The following SYCP2 variants were observed in gnomAD, a reference collection of about 807,000 sequenced individuals.
SYCP2 encodes the protein synaptonemal complex lateral element protein.
Under a neutral mutation model 211.3 loss-of-function variants are expected in SYCP2, and 55 were observed. The ratio of observed to expected loss-of-function variants is 0.26; its 90% CI spans 0.21 to 0.33. The LOEUF is 0.33. Ranked by LOEUF, SYCP2 falls within the 10% of genes least tolerant of loss-of-function variation. The pLI, the probability that SYCP2 is intolerant of heterozygous loss-of-function variation, is 1.00. For missense variants in SYCP2, 1,731 were observed against 1,752.0 expected (o/e 0.99, Z 0.21); for synonymous variants, 570 against 555.2 (o/e 1.03, Z -0.37).
chr20:59,916,532 C>G lies in SYCP2; in HGVS notation c.467G>C (p.Cys156Ser), dbSNP rs1022166641. 1 of 1,611,472 alleles carries G rather than the reference C, an allele frequency of 6.2e-7. No individual in the cohort carries two copies. The highest frequency in any genetic ancestry group is 8.5e-7 in the Non-Finnish European group (1 of 1,177,872). ...CACTCTTGAGTCAATAACCAGGGAA[C>G]AAATGCGAGGTACGAAACTTTCCAC... ...QVVESFVPRI[C>S]SLVIDSRVNI... Residue 156 changes from cysteine to serine, a missense_variant, in exon 8 of 45, where the codon TGT becomes TCT. Physicochemically the swap from Cys to Ser is moderately radical, Grantham distance 112. This residue lies in a region of SYCP2 where 335 missense variants were observed against 378.8 expected (regional missense o/e 0.88). Coordinates refer to ENST00000357552, the MANE Select transcript of SYCP2 (RefSeq NM_014258.4).
Position 59,875,424 on chromosome 20 carries a change from T to C in SYCP2, c.3196A>G (p.Lys1066Glu). ...SRMKTVKLPKKQQKVFCAETE... is the reference protein window; with the variant it reads ...SRMKTVKLPKEQQKVFCAETE... The stretch of plus-strand genomic sequence containing the variant: ...TCAGCACAGAAGACTTTCTGTTGTT[T>C]CTTTGGTAGCTTTACCGTTTTCATT... Residue 1066 changes from lysine (K) to glutamate (E), a missense_variant, in exon 34 of 45, where the codon AAA becomes GAA. Transcript: ENST00000357552. 5 of 1,612,984 alleles carry C rather than the reference T, an allele frequency of 3.1e-6. No individual in the cohort carries two copies. Among genetic ancestry groups the C allele is most frequent in the Non-Finnish European group, 4.2e-6 (5 of 1,179,448 alleles).
intron 2 of SYCP2, among the ~76,000 whole-genome samples, chr20:59,924,420 TTAACTC>T (rs1203895126): frequency 6.6e-6 from 1 of 151,910 alleles, no homozygotes; most frequent in African/African-American, 2.4e-5. Flanking sequence ...CTATGTCAAT[TTAACTC>T]TAAAAGGGAA....
chr20:59,870,340 G>C (rs2059426222), intron 35 of SYCP2, among the ~76,000 whole-genome samples: 1 of 151,792 alleles, frequency 6.6e-6, no homozygotes, highest in South Asian at 2.1e-4. Flanking sequence ...AATCTAGGCA[G>C]ACAATCATGA....
chr20:59,870,203 G>A (rs2059423735), intron 35 of SYCP2, among the ~76,000 whole-genome samples: 1 of 151,724 alleles, frequency 6.6e-6, no homozygotes, highest in Non-Finnish European at 1.5e-5. Flanking sequence ...ATCCCTGCTA[G>A]TACAGTTTCT....
At chr20:59,874,162 G>T (rs2059509829) in intron 34 of SYCP2, 101 bp from the exon 35 acceptor site, 3 of 583,174 alleles carry the variant, frequency 5.1e-6, no homozygotes, top group Non-Finnish European at 8.2e-6. Context: ...GAATTTGTCA[G>T]ATCTTCAAAT....
At position 59,915,509 on chromosome 20, in the gene SYCP2, T is replaced by C; in HGVS notation, c.555A>G (p.Gln185=). Residue 185 remains glutamine, a synonymous_variant, in exon 9 of 45, where the codon CAA becomes CAG. Coordinates refer to ENST00000357552, the MANE Select transcript of SYCP2 (RefSeq NM_014258.4). ...KMNAMLDKMP[Q]DARKILSNQE... ...GGTTAGAGAGTATTTTCCGGGCATCTTGAGGCATTTTGTCAAGCATAGCAT... is the reference window on the plus strand; with the variant it reads ...GGTTAGAGAGTATTTTCCGGGCATCCTGAGGCATTTTGTCAAGCATAGCAT... 1 of 1,610,764 alleles carries C rather than the reference T, an allele frequency of 6.2e-7. No individual in the cohort carries two copies. Among genetic ancestry groups the C allele is most frequent in the Non-Finnish European group, 8.5e-7 (1 of 1,177,254 alleles).
chr20:59,878,025 G>T lies in SYCP2; in HGVS notation c.2962C>A (p.Gln988Lys), dbSNP rs2059595108. Reference sequence around the variant, plus strand: ...TGGCTTACCATTTTAGAGCTTGGCTGTCCCTTTTCCAAGGATGATCCTGTA... The same window carrying T: ...TGGCTTACCATTTTAGAGCTTGGCTTTCCCTTTTCCAAGGATGATCCTGTA... ...GKSRSSLEKGQPSSKMTPSKN... is the reference protein window; with the variant it reads ...GKSRSSLEKGKPSSKMTPSKN... Residue 988 changes from glutamine to lysine, a missense_variant, in exon 32 of 45, where the codon CAG becomes AAG. By Grantham distance (53) the Gln-to-Lys change is moderately conservative (BLOSUM62 1). Transcript: ENST00000357552. The T allele has an allele frequency of 6.2e-7, 1 of 1,605,792 alleles. No individual in the cohort carries two copies. The highest frequency in any genetic ancestry group is 8.5e-7 in the Non-Finnish European group (1 of 1,175,462).
chr20:59,867,643 G>A (rs2059377136), intron 39 of SYCP2, 68 bp downstream of exon 39: 1 of 1,365,456 alleles, frequency 7.3e-7, no homozygotes, highest in Non-Finnish European at 1.0e-6. Context: ...ACAAGCCAAT[G>A]GTCTAGTAGA....
chr20:59,880,897 ATAATCT>A, intron 30 of SYCP2, 63 bp downstream of exon 30: 1 of 736,454 alleles, frequency 1.4e-6, no homozygotes, highest in Non-Finnish European at 2.1e-6. Context: ...CTTGTTTTTG[ATAATCT>A]TTAACATTAA....
chr20:59,901,008 C>G (rs1021986160), intron 16 of SYCP2, among the ~76,000 whole-genome samples, 190 bp from the exon 17 acceptor site: 5 of 152,010 alleles, frequency 3.3e-5, no homozygotes. Context: ...TAACCAGTCA[C>G]CTTAGCTTGT....
intron 24 of SYCP2, 39 bp from the exon 25 acceptor site, chr20:59,886,873 T>G (rs1365957376): frequency 1.3e-6 from 2 of 1,489,872 alleles, no homozygotes; most frequent in East Asian, 2.4e-5. Context: ...CTCTACCAGT[T>G]AATCTTTAAA....
chr20:59,932,215 G>A (rs529168439), intron 1 of SYCP2, 61 bp from the exon 2 acceptor site: 30 of 152,282 alleles, frequency 2.0e-4, no homozygotes, highest in African/African-American at 3.1e-4. Context: ...TTTGGCAGAT[G>A]GGGGAGGCAA....
At chr20:59,864,573 T>C (rs1026520614) in intron 44 of SYCP2, among the ~76,000 whole-genome samples, 185 bp from the exon 45 acceptor site, 3 of 152,000 alleles carry the variant, frequency 2.0e-5, no homozygotes, top group Middle Eastern at 3.2e-3. Context: ...ATTACTGATA[T>C]TCAAGACAAT....
rs911552566 is a variant in SYCP2, at chr20:59,892,516, A to G, written c.1927+52T>C. The G allele has an allele frequency of 6.5e-6, 10 of 1,546,554 alleles. No homozygotes were observed. The African/African-American group carries it at 1.4e-4, about 21-fold the overall frequency. ...AAATTTGTTTTAATACTTGTTAGAC[A>G]TTTGAGGAAATTAACACTGAACTAT... On this transcript the variant is annotated intron_variant, in intron 23 of 44. Coordinates refer to ENST00000357552, the MANE Select transcript of SYCP2 (RefSeq NM_014258.4).
At chr20:59,885,832 T>C in intron 26 of SYCP2, 96 bp downstream of exon 26, 1 of 925,342 alleles carries the variant, frequency 1.1e-6, no homozygotes, top group Non-Finnish European at 1.7e-6. Context: ...GAAAACATCG[T>C]ATCAAATTCC....
chr20:59,909,293 C>G (rs2060271778), intron 14 of SYCP2, among the ~76,000 whole-genome samples: 1 of 152,180 alleles, frequency 6.6e-6, no homozygotes, highest in South Asian at 2.1e-4. Context: ...TCCAGCTACC[C>G]AAATTTTAGT....
chr20:59,906,837 A>G (rs1341980995), intron 15 of SYCP2, among the ~76,000 whole-genome samples: 2 of 152,164 alleles, frequency 1.3e-5, no homozygotes, highest in African/African-American at 2.4e-5. Context: ...AATGAACAAA[A>G]TATTTAAAAT....
At chr20:59,904,926 C>T (rs1299915443) in intron 15 of SYCP2, among the ~76,000 whole-genome samples, 4 of 152,022 alleles carry the variant, frequency 2.6e-5, no homozygotes, top group African/African-American at 9.7e-5. Flanking sequence ...AACTAGCTTA[C>T]CTGAATTAAC....
intron 16 of SYCP2, 114 bp downstream of exon 16, chr20:59,901,548 C>T (rs1270837232): frequency 3.0e-6 from 2 of 657,112 alleles, no homozygotes; most frequent in Non-Finnish European, 2.4e-6. Context: ...ATTTAAAGAA[C>T]TAAAATCTAC....
Sources: allele counts gnomAD v4.1 joint callset (sites outside exome capture counted in the v4.1 genomes callset), GRCh38; gene constraint gnomAD v4.1.1; regional missense constraint gnomAD v4.1.1; transcripts MANE v1.5; gene names NCBI Gene and HGNC (gene_info 2026-07-23, HGNC 2026-07-21).